DNAH14: variants seen among roughly 807,000 people sequenced by gnomAD.
DNAH14 encodes axonemal beta dynein heavy chain 14.
A neutral mutation model predicts 520.9 loss-of-function variants in DNAH14; 478 were observed. The ratio of observed to expected loss-of-function variants is 0.92; its 90% CI spans 0.85 to 0.99. The LOEUF (loss-of-function observed/expected upper bound fraction) is 0.99, where lower values mean the gene tolerates loss of function less well. Ranked by LOEUF, DNAH14 falls within the 50% of genes least tolerant of loss-of-function variation. The pLI is 0.00. For missense variants in DNAH14, 4,831 were observed against 5,234.5 expected (o/e 0.92, Z 2.38); for synonymous variants, 1,581 against 1,757.2 (o/e 0.90, Z 2.51).
chr1:225,161,578 A>G (rs995281257), intron 35 of DNAH14, among the ~76,000 whole-genome samples: 19 of 152,008 alleles, frequency 1.2e-4, no homozygotes, highest in Non-Finnish European at 1.9e-4. Flanking sequence ...TTTTTGACCA[A>G]CCTCCAAATT....
intron 5 of DNAH14, 148 bp from the exon 6 acceptor site, chr1:224,967,283 T>C: frequency 2.3e-6 from 1 of 441,064 alleles, no homozygotes; most frequent in Non-Finnish European, 3.8e-6. Flanking sequence ...CATAATTTGA[T>C]GTTAGCTTTC....
At chr1:225,027,431 G>A (rs2066203978) in intron 11 of DNAH14, among the ~76,000 whole-genome samples, 1 of 152,016 alleles carries the variant, frequency 6.6e-6, no homozygotes, top group Admixed American at 6.6e-5. Context: ...GTTCCTGTCT[G>A]TATTAGTTTG....
At chr1:225,018,561 T>G (rs6697156) in intron 10 of DNAH14, among the ~76,000 whole-genome samples, 8,381 of 152,096 alleles carry the variant, frequency 0.055, 470 homozygotes, top group East Asian at 0.24. Flanking sequence ...GTGAAGGAGT[T>G]GATCATCCCC....
At chr1:225,315,160 T>C (rs1452845942) in intron 60 of DNAH14, among the ~76,000 whole-genome samples, 1 of 151,976 alleles carries the variant, frequency 6.6e-6, no homozygotes, top group Non-Finnish European at 1.5e-5. Flanking sequence ...TTCTCTAGTC[T>C]TGCCTTCATG....
chr1:225,381,567 T>C lies in DNAH14; in HGVS notation c.13065T>C (p.Pro4355=). The C allele has an allele frequency of 6.6e-7, 1 of 1,514,694 alleles. No individual in the cohort carries two copies. 93.8% of individuals were successfully genotyped at this position (1,514,694 alleles called of 1,614,324 possible). The change falls in exon 81 of 86, where the codon CCT becomes CCC. Residue 4355 remains proline, a synonymous_variant. Coordinates refer to ENST00000682510, the MANE Select transcript of DNAH14 (RefSeq NM_001367479.1). ...IFNSFLNMRV[P]TLWQKHAYRS... ...ACTCTTTTCTTAATATGAGAGTGCC[T>C]ACATTGTGGCAGGTAAGCAATTATT...
In DNAH14 at chr1:225,092,924, A is replaced by G. The variant is rs577413174; in HGVS notation, c.3574-4194A>G. ...ATGCACACAGACTAGAAACACTAGA[A>G]GAAAGAGATGAATTTCTGAGTGCAT... On this transcript the variant is annotated intron_variant, in intron 21 of 85. Transcript: ENST00000682510. 2.0e-5 allele frequency among the ~76,000 whole-genome samples: 3 copies of G among 152,292 alleles called. No homozygotes were observed. The South Asian group carries it at 6.2e-4, about 32-fold the overall frequency.
chr1:225,050,157 T>A (rs527860209), intron 15 of DNAH14, 53 bp from the exon 16 acceptor site: 3 of 1,441,798 alleles, frequency 2.1e-6, no homozygotes, highest in Non-Finnish European at 2.8e-6. Context: ...AATTTTGAAG[T>A]GTTGCTTTCA....
At chr1:225,233,696 A>G (rs2091328220) in intron 42 of DNAH14, among the ~76,000 whole-genome samples, 1 of 152,206 alleles carries the variant, frequency 6.6e-6, no homozygotes, top group African/African-American at 2.4e-5. Flanking sequence ...GACCTTTGTC[A>G]GATGGATAGA....
intron 23 of DNAH14, among the ~76,000 whole-genome samples, chr1:225,117,040 A>T (rs1030660968): frequency 6.6e-6 from 1 of 152,120 alleles, no homozygotes; most frequent in Non-Finnish European, 1.5e-5. Context: ...ATTTAGGGGG[A>T]GGCCTATTGC....
At chr1:225,072,718 T>G (rs1194633362) in intron 17 of DNAH14, among the ~76,000 whole-genome samples, 1 of 152,252 alleles carries the variant, frequency 6.6e-6, no homozygotes, top group East Asian at 1.9e-4. Context: ...TTAGATGGTT[T>G]TTATTTTTCC....
intron 27 of DNAH14, among the ~76,000 whole-genome samples, chr1:225,133,239 C>T (rs1278763863): frequency 6.6e-6 from 1 of 152,104 alleles, no homozygotes; most frequent in Non-Finnish European, 1.5e-5. Flanking sequence ...AGTTAGATCT[C>T]ATTTGTCAAT....
At chr1:225,075,230 G>C (rs569560560) in intron 17 of DNAH14, among the ~76,000 whole-genome samples, 1 of 152,136 alleles carries the variant, frequency 6.6e-6, no homozygotes, top group Non-Finnish European at 1.5e-5. Context: ...TTCCCTGGGT[G>C]GGGGAGGTTC....
Position 225,368,011 on chromosome 1 carries a change from A to G in DNAH14, c.12297A>G (p.Lys4099=). The change falls in exon 77 of 86, where the codon AAA becomes AAG. Residue 4099 remains lysine, a synonymous_variant. Coordinates refer to ENST00000682510, the MANE Select transcript of DNAH14 (RefSeq NM_001367479.1). ...TATTGGGCTGGAATATTGCTTATAA[A>G]TTTAATTCTTCAGACTTGGGGGTAA... ...YGILGWNIAY[K]FNSSDLGVAI... 1.3e-6 allele frequency: 2 copies of G among 1,549,114 alleles called. No homozygotes were observed. The highest frequency in any genetic ancestry group is 1.7e-6 in the Non-Finnish European group (2 of 1,146,428).
At chr1:225,215,266 G>T in intron 41 of DNAH14, among the ~76,000 whole-genome samples, 1 of 152,196 alleles carries the variant, frequency 6.6e-6, no homozygotes, top group Non-Finnish European at 1.5e-5. Context: ...ACTGTGGTCT[G>T]AGAGGTAGTT....
At chr1:225,389,103 G>A (rs908205704) in intron 82 of DNAH14, among the ~76,000 whole-genome samples, 1 of 152,194 alleles carries the variant, frequency 6.6e-6, no homozygotes, top group Non-Finnish European at 1.5e-5. Context: ...AAAATAGCTG[G>A]AGAAGCGTTA....
intron 41 of DNAH14, among the ~76,000 whole-genome samples, chr1:225,210,914 G>T (rs1574012331): frequency 6.6e-6 from 1 of 152,174 alleles, no homozygotes; most frequent in Non-Finnish European, 1.5e-5. Flanking sequence ...AAAGAGTCCT[G>T]ACTATTAGAA....
chr1:225,330,621 G>A (rs1488413532), intron 64 of DNAH14, among the ~76,000 whole-genome samples: 1 of 152,162 alleles, frequency 6.6e-6, no homozygotes, highest in Non-Finnish European at 1.5e-5. Flanking sequence ...TTGAACTCAT[G>A]GAGATAGAGG....
chr1:224,972,322 G>A (rs2125633849), intron 7 of DNAH14, among the ~76,000 whole-genome samples: 1 of 150,268 alleles, frequency 6.7e-6, no homozygotes, highest in East Asian at 2.0e-4. Flanking sequence ...TATTTTTTTT[G>A]AGACAGAGTC....
At chr1:225,144,712 C>T in intron 29 of DNAH14, 84 bp downstream of exon 29, 1 of 1,071,294 alleles carries the variant, frequency 9.3e-7, no homozygotes, top group Non-Finnish European at 1.3e-6. Context: ...TTACACCATT[C>T]CTGCTATTAA....
Sources: gnomAD v4.1 joint callset for allele counts (sites outside exome capture counted in the v4.1 genomes callset) on GRCh38, gnomAD v4.1.1 for gene constraint, MANE v1.5 for transcripts, NCBI Gene and HGNC (gene_info 2026-07-23, HGNC 2026-07-21) for gene names.